PHLDB2: variants seen among roughly 807,000 people sequenced by gnomAD.
PHLDB2 encodes pleckstrin homology-like domain family B member 2.
In PHLDB2, 71 loss-of-function variants were observed where a neutral mutation model predicts 123.6. That is an observed-to-expected ratio of 0.57 (90% confidence interval 0.47 to 0.70). The LOEUF (loss-of-function observed/expected upper bound fraction) is 0.70, where lower values mean the gene tolerates loss of function less well. Ranked by LOEUF, PHLDB2 falls within the 30% of genes least tolerant of loss-of-function variation. The probability of loss-of-function intolerance (pLI) is 0.00; values close to 1 mark genes in which losing one functional copy is unlikely to be tolerated. For missense variants in PHLDB2, 1,446 were observed against 1,519.5 expected (o/e 0.95, Z 0.80); for synonymous variants, 547 against 541.6 (o/e 1.01, Z -0.14).
At chr3:111,896,285 G>T (rs1299429760) in intron 2 of PHLDB2, among the ~76,000 whole-genome samples, 3 of 151,978 alleles carry the variant, frequency 2.0e-5, no homozygotes, top group Non-Finnish European at 4.4e-5. Flanking sequence ...TATTTATTGA[G>T]CTACCATTTT....
intron 1 of PHLDB2, among the ~76,000 whole-genome samples, chr3:111,807,220 T>C (rs1476640636): frequency 6.6e-6 from 1 of 152,032 alleles, no homozygotes; most frequent in African/African-American, 2.4e-5. Context: ...CATAGCTCTG[T>C]TGTGAGGAAT....
intron 1 of PHLDB2, among the ~76,000 whole-genome samples, chr3:111,818,055 T>C (rs1175755239): frequency 6.6e-6 from 1 of 152,096 alleles, no homozygotes; most frequent in Non-Finnish European, 1.5e-5. Flanking sequence ...TGATCTCTTG[T>C]GAAAAAAGGC....
At position 111,885,396 on chromosome 3, in the gene PHLDB2, A is replaced by G; in HGVS notation, c.1319A>G (p.Gln440Arg). Residue 440 changes from glutamine to arginine, a missense_variant, in exon 2 of 18, where the codon CAG (glutamine) becomes CGG (arginine). By Grantham distance (43) the Gln-to-Arg change is conservative. This residue lies in a region of PHLDB2 where 832 missense variants were observed against 831.9 expected (regional missense o/e 1.00). Transcript: ENST00000431670. Reference protein sequence around the residue: ...RRQREERLREQEMERLERQRL... With the variant: ...RRQREERLREREMERLERQRL... ...CAGAGGGAGGAAAGACTCAGGGAGC[A>G]GGAAATGGAGCGATTGGTAATCTTC... 1 of 1,614,170 alleles carries G rather than the reference A, an allele frequency of 6.2e-7. No individual in the cohort carries two copies. The highest frequency in any genetic ancestry group is 8.5e-7 in the Non-Finnish European group (1 of 1,180,036).
chr3:111,954,528 G>A (rs1395664374), intron 12 of PHLDB2, among the ~76,000 whole-genome samples: 1 of 152,132 alleles, frequency 6.6e-6, no homozygotes, highest in African/African-American at 2.4e-5. Flanking sequence ...TATGTTTCAG[G>A]TAGACTTTGA....
rs1053610348 is a variant in PHLDB2, at chr3:111,904,136, G to C, written c.1336-9183G>C. Among the ~76,000 whole-genome samples the C allele has an allele frequency of 1.7e-4, 26 of 152,060 alleles. 1 individual carries two copies. The highest frequency in any genetic ancestry group is 6.3e-4 in the African/African-American group (26 of 41,478). On this transcript the variant is annotated intron_variant, in intron 2 of 17. Coordinates refer to ENST00000431670, the MANE Select transcript of PHLDB2 (RefSeq NM_001134438.2). Reference sequence around the variant, plus strand: ...CTACTAAAAATACAAAAATTAGTCAGGTGTGGTGGCAGGCACCTATAATCC... The same window carrying C: ...CTACTAAAAATACAAAAATTAGTCACGTGTGGTGGCAGGCACCTATAATCC...
At chr3:111,820,880 A>G (rs1576734526) in intron 1 of PHLDB2, among the ~76,000 whole-genome samples, 1 of 152,242 alleles carries the variant, frequency 6.6e-6, no homozygotes, top group Admixed American at 6.5e-5. Context: ...AGTTGTCAGG[A>G]TATTAACACA....
chr3:111,896,373 C>G (rs1008597161), intron 2 of PHLDB2, among the ~76,000 whole-genome samples: 1 of 149,400 alleles, frequency 6.7e-6, no homozygotes, highest in African/African-American at 2.5e-5. Context: ...GAGACGGAGT[C>G]TCCCTCTGTT....
rs2066272916 is a variant in PHLDB2, at chr3:111,888,000, G to T, written c.1335+2588G>T. ...TGAATGTAAGAGTTAAGTGGCTATG[G>T]TTATTTATGGTTAATTTAACAAACA... On this transcript the variant is annotated intron_variant, in intron 2 of 17. Transcript: ENST00000431670. 3.9e-5 allele frequency among the ~76,000 whole-genome samples: 6 copies of T among 152,188 alleles called. No homozygotes were observed. The South Asian group carries it at 1.2e-3, about 32-fold the overall frequency.
chr3:111,885,665 A>C (rs1193284729), intron 2 of PHLDB2: 2 of 658,048 alleles, frequency 3.0e-6, no homozygotes, highest in Non-Finnish European at 5.4e-6. Flanking sequence ...CACAAGTATA[A>C]ATTCTTTAAA....
At chr3:111,756,292 T>C (rs2059887486) in intron 1 of PHLDB2, among the ~76,000 whole-genome samples, 1 of 151,742 alleles carries the variant, frequency 6.6e-6, no homozygotes, top group East Asian at 1.9e-4. Context: ...GGAGTCTAAG[T>C]CTCTTTGTAG....
At chr3:111,763,310 G>A (rs12490166) in intron 1 of PHLDB2, among the ~76,000 whole-genome samples, 76,313 of 152,008 alleles carry the variant, frequency 0.5, 19,762 homozygotes, top group African/African-American at 0.62. Context: ...ATAGCGAACT[G>A]CAAACTGCAC....
intron 2 of PHLDB2, among the ~76,000 whole-genome samples, chr3:111,887,031 G>A (rs992050569): frequency 2.0e-5 from 3 of 152,202 alleles, no homozygotes; most frequent in East Asian, 1.9e-4. Flanking sequence ...CCATTACTCC[G>A]GACATCTTCC....
chr3:111,735,882 T>A, intron 1 of PHLDB2, among the ~76,000 whole-genome samples: 1 of 152,208 alleles, frequency 6.6e-6, no homozygotes, highest in East Asian at 1.9e-4. Context: ...AGTTGGGATC[T>A]GAATCCAAAT....
rs534229913 is a variant in PHLDB2 at position 111,949,149 on chromosome 3, TGAG to T, written c.2631+76_2631+78del. On this transcript the variant is annotated intron_variant, in intron 10 of 17. Transcript: ENST00000431670. Reference sequence around the variant, plus strand: ...AAATTAACCCACGGCCAACTGAAAATGAGGTCCACGAGAACGTGCATGACAAAT... The same window carrying T: ...AAATTAACCCACGGCCAACTGAAAATGTCCACGAGAACGTGCATGACAAAT... The T allele has an allele frequency of 2.5e-4, 393 of 1,546,274 alleles. No homozygotes were observed. In the Middle Eastern group the frequency reaches 3.6e-3, roughly 14 times the overall value.
chr3:111,739,853 G>GTT (rs199750896), intron 1 of PHLDB2, among the ~76,000 whole-genome samples: 1 of 151,334 alleles, frequency 6.6e-6, no homozygotes, highest in Non-Finnish European at 1.5e-5. Context: ...AAAAAGGCAG[G>GTT]TTTTTTTTTA....
At chr3:111,901,359 C>CA (rs10710041) in intron 2 of PHLDB2, among the ~76,000 whole-genome samples, 5,539 of 109,534 alleles carry the variant, frequency 0.051, 120 homozygotes, top group African/African-American at 0.079. Flanking sequence ...GACTCTGTCT[C>CA]AAAAAAAAAA....
intron 6 of PHLDB2, 71 bp downstream of exon 6, chr3:111,932,468 CTG>C: frequency 1.4e-6 from 2 of 1,467,106 alleles, no homozygotes; most frequent in Non-Finnish European, 9.2e-7. Context: ...TGCCACTTAC[CTG>C]TGACTTACGA....
chr3:111,969,538 A>C, intron 15 of PHLDB2, 152 bp from the exon 16 acceptor site: 1 of 633,988 alleles, frequency 1.6e-6, no homozygotes, highest in South Asian at 2.1e-5. Flanking sequence ...TTTAGACTCC[A>C]AATCATAAGT....
intron 1 of PHLDB2, among the ~76,000 whole-genome samples, chr3:111,868,820 C>G (rs926979497): frequency 6.6e-6 from 1 of 152,188 alleles, no homozygotes; most frequent in African/African-American, 2.4e-5. Context: ...CTTCTGCTTT[C>G]TGTCCTCCCC....
Sources: gnomAD v4.1 joint callset for allele counts (sites outside exome capture counted in the v4.1 genomes callset) on GRCh38, gnomAD v4.1.1 for gene constraint, gnomAD v4.1.1 regional missense constraint, MANE v1.5 for transcripts, NCBI Gene and HGNC (gene_info 2026-07-23, HGNC 2026-07-21) for gene names.